IL17F: variants seen among roughly 807,000 people sequenced by gnomAD.
The protein encoded by IL17F is interleukin 17F, also known as interleukin-17F.
IL17F carries 6 observed loss-of-function variants against 8.3 expected under a neutral mutation model. That is an observed-to-expected ratio of 0.73 (90% CI 0.40 to 1.43). The LOEUF is 1.43. IL17F is among the 40% of genes most tolerant of loss of function. The pLI is 0.02. For missense variants in IL17F, 204 were observed against 209.6 expected, an observed-to-expected ratio of 0.97 and a Z score of 0.17; for synonymous variants, 98 against 81.6, an observed-to-expected ratio of 1.20 and a Z score of -1.08.
Position 52,236,901 on chromosome 6 carries a change from A to AG in IL17F, c.*29dup. 1 of 1,568,570 alleles carries AG rather than the reference A, an allele frequency of 6.4e-7. No individual in the cohort carries two copies. The highest frequency in any genetic ancestry group is 8.8e-7 in the Non-Finnish European group (1 of 1,138,594). On this transcript the variant is annotated 3_prime_UTR_variant, in exon 3 of 3. Transcript: ENST00000336123. ...ACTGGGTAAGGAGTGGCATTTCTACAGCTTCTTCAGCTGAGTGGATATGCA... is the reference window on the plus strand; with the variant it reads ...ACTGGGTAAGGAGTGGCATTTCTACAGGCTTCTTCAGCTGAGTGGATATGCA...
intron 1 of IL17F, among the ~76,000 whole-genome samples, chr6:52,243,989 C>A (rs1291871293): frequency 6.6e-6 from 1 of 152,080 alleles, no homozygotes; most frequent in Non-Finnish European, 1.5e-5. Flanking sequence ...AAACCCCTGA[C>A]CTCAAGTGAT....
At chr6:52,244,904 G>A (rs779497801), upstream of IL17F, among the ~76,000 whole-genome samples, 7 of 152,174 alleles carry the variant, frequency 4.6e-5, no homozygotes, top group African/African-American at 1.7e-4. Flanking sequence ...CCTTAGAGGA[G>A]CCTTGGTACT....
chr6:52,244,412 C>G lies in IL17F; in HGVS notation c.18G>C (p.Leu6=). 1 of 1,614,036 alleles carries G rather than the reference C, an allele frequency of 6.2e-7. No individual in the cohort carries two copies. Among genetic ancestry groups the G allele is most frequent in the Non-Finnish European group, 8.5e-7 (1 of 1,179,912 alleles). Residue 6 remains leucine, a synonymous_variant, in exon 1 of 3, where the codon CTG becomes CTC. Transcript: ENST00000336123. MTVKT[L]HGPAMVKYLL... ...TGCTACTCACCATGGCTGGGCCATG[C>G]AGGGTCTTCACTGTCATGTTGCGCT...
Position 52,236,694 on chromosome 6 carries a change from A to C in IL17F, c.*237T>G. Reference sequence around the variant, plus strand: ...ACACCTGAAGTATTTTTAAATTATTAATACTTTATTATATTAGCACTGAAT... The same window carrying C: ...ACACCTGAAGTATTTTTAAATTATTCATACTTTATTATATTAGCACTGAAT... On this transcript the variant is annotated 3_prime_UTR_variant, in exon 3 of 3. Transcript: ENST00000336123. The C allele has an allele frequency of 8.1e-6, 4 of 491,226 alleles. No individual in the cohort carries two copies. The South Asian group carries it at 9.6e-5, about 12-fold the overall frequency. 30.4% of individuals were successfully genotyped at this position (491,226 alleles called of 1,614,324 possible).
At chr6:52,240,368 T>A (rs1764051791) in intron 1 of IL17F, among the ~76,000 whole-genome samples, 1 of 134,546 alleles carries the variant, frequency 7.4e-6, no homozygotes. Flanking sequence ...ACCTAGGAGG[T>A]GGAGGTTGCA....
In IL17F at chr6:52,238,768, A is replaced by T; in HGVS notation, c.216T>A (p.Arg72=). The part of the protein sequence containing the change: ...INENQRVSMS[R]NIESRSTSPW... ...GGGAGGTGGAGCGGCTCTCGATGTT[A>T]CGTGACATGGAAACGCGCTGGTTTT... Residue 72 remains arginine, a synonymous_variant, in exon 2 of 3, where the codon CGT becomes CGA. Transcript: ENST00000336123. 1 of 1,614,198 alleles carries T rather than the reference A, an allele frequency of 6.2e-7. No individual in the cohort carries two copies.
chr6:52,240,390 T>C (rs912622108), intron 1 of IL17F, among the ~76,000 whole-genome samples: 1 of 147,322 alleles, frequency 6.8e-6, no homozygotes, highest in East Asian at 2.0e-4. Flanking sequence ...TGAGCCGAAA[T>C]TGCACCACTG....
At chr6:52,242,262 T>C (rs1205406434) in intron 1 of IL17F, among the ~76,000 whole-genome samples, 1 of 152,176 alleles carries the variant, frequency 6.6e-6, no homozygotes, top group Non-Finnish European at 1.5e-5. Context: ...GACAACAACC[T>C]TCTCAGCCTA....
Position 52,236,924 on chromosome 6 carries a change from G to T in IL17F, c.*7C>A, listed in dbSNP as rs1399762244. The T allele has an allele frequency of 1.9e-6, 3 of 1,605,136 alleles. No individual in the cohort carries two copies. Among genetic ancestry groups the T allele is most frequent in the African/African-American group, 2.7e-5 (2 of 74,720 alleles). ...ACAGCTTCTTCAGCTGAGTGGATATGCACCTCTTACTGCACATGGTGGATG... is the reference window on the plus strand; with the variant it reads ...ACAGCTTCTTCAGCTGAGTGGATATTCACCTCTTACTGCACATGGTGGATG... On this transcript the variant is annotated 3_prime_UTR_variant, in exon 3 of 3. Transcript: ENST00000336123.
chr6:52,236,889 T>C lies in IL17F; in HGVS notation c.*42A>G. The C allele has an allele frequency of 6.7e-7, 1 of 1,492,258 alleles. No individual in the cohort carries two copies. The highest frequency in any genetic ancestry group is 9.4e-7 in the Non-Finnish European group (1 of 1,069,424). The allele number at this position is 1,492,258 out of a possible 1,614,324, so 92.4% of individuals were successfully genotyped here. On this transcript the variant is annotated 3_prime_UTR_variant, in exon 3 of 3. Transcript: ENST00000336123. Reference sequence around the variant, plus strand: ...TTGTTGCAGAGCACTGGGTAAGGAGTGGCATTTCTACAGCTTCTTCAGCTG... The same window carrying C: ...TTGTTGCAGAGCACTGGGTAAGGAGCGGCATTTCTACAGCTTCTTCAGCTG...
At chr6:52,241,280 T>C (rs1196942911) in intron 1 of IL17F, among the ~76,000 whole-genome samples, 1 of 152,134 alleles carries the variant, frequency 6.6e-6, no homozygotes, top group Non-Finnish European at 1.5e-5. Flanking sequence ...GGTTTCATCA[T>C]GTGGTCAGGC....
chr6:52,238,687 T>A, intron 2 of IL17F, 43 bp downstream of exon 2: 1 of 1,475,114 alleles, frequency 6.8e-7, no homozygotes, highest in Non-Finnish European at 9.5e-7. Flanking sequence ...TGAATTAACA[T>A]ATTTTTCCAA....
At chr6:52,238,619 G>A in intron 2 of IL17F, 111 bp downstream of exon 2, 1 of 985,880 alleles carries the variant, frequency 1.0e-6, no homozygotes, top group South Asian at 1.5e-5. Context: ...TCATTGTTAA[G>A]AGGATTTTCC....
intron 1 of IL17F, among the ~76,000 whole-genome samples, chr6:52,241,828 T>C (rs1206612067): frequency 6.6e-6 from 1 of 152,218 alleles, no homozygotes; most frequent in African/African-American, 2.4e-5. Flanking sequence ...TAGGTGTCAG[T>C]AGTCAGTGCT....
intron 1 of IL17F, among the ~76,000 whole-genome samples, chr6:52,241,367 C>T (rs1394215238): frequency 1.3e-5 from 2 of 151,962 alleles, no homozygotes; most frequent in South Asian, 2.1e-4. Flanking sequence ...CCTGAGCTAC[C>T]GCGCCTGGCC....
chr6:52,236,841 G>A lies in IL17F; in HGVS notation c.*90C>T. 1 of 974,184 alleles carries A rather than the reference G, an allele frequency of 1.0e-6. No homozygotes were observed. The allele number at this position is 974,184 out of a possible 1,614,324, so 60.3% of individuals were successfully genotyped here. ...CTTATTAAGAGTCCTGTGAAGTGGAGGGAATTGGGGGTCAGACAGGACTTG... is the reference window on the plus strand; with the variant it reads ...CTTATTAAGAGTCCTGTGAAGTGGAAGGAATTGGGGGTCAGACAGGACTTG... On this transcript the variant is annotated 3_prime_UTR_variant, in exon 3 of 3. Coordinates refer to ENST00000336123, the MANE Select transcript of IL17F (RefSeq NM_052872.4).
chr6:52,245,478 A>G (rs1405679041), upstream of IL17F, among the ~76,000 whole-genome samples: 1 of 152,216 alleles, frequency 6.6e-6, no homozygotes, highest in Non-Finnish European at 1.5e-5. Flanking sequence ...AGTATATTCT[A>G]AAGGATATTT....
At chr6:52,244,900 AG>A (rs1173693906), upstream of IL17F, among the ~76,000 whole-genome samples, 9 of 152,240 alleles carry the variant, frequency 5.9e-5, no homozygotes, top group African/African-American at 1.9e-4. Flanking sequence ...TCATCCTTAG[AG>A]GAGCCTTGGT....
chr6:52,239,873 G>T (rs140284183), intron 1 of IL17F, among the ~76,000 whole-genome samples: 1 of 152,118 alleles, frequency 6.6e-6, no homozygotes, highest in Non-Finnish European at 1.5e-5. Flanking sequence ...GAAAGAAACC[G>T]GGGCACTAAT....
Sources: gnomAD v4.1 joint callset for allele counts (sites outside exome capture counted in the v4.1 genomes callset) on GRCh38, gnomAD v4.1.1 for gene constraint, MANE v1.5 for transcripts, NCBI Gene and HGNC (gene_info 2026-07-23, HGNC 2026-07-21) for gene names.